Variants in MPP1 observed in about 807,000 individuals in gnomAD.
MPP1 encodes MAGUK p55 scaffold protein 1, also known as 55 kDa erythrocyte membrane protein.
In MPP1, 6 loss-of-function variants were observed where a neutral mutation model predicts 38.2. The ratio of observed to expected loss-of-function variants is 0.16; its 90% CI spans 0.09 to 0.31. The LOEUF (loss-of-function observed/expected upper bound fraction) is 0.31. Ranked by LOEUF, MPP1 falls within the 10% of genes least tolerant of loss-of-function variation. The probability of loss-of-function intolerance (pLI) is 1.00; values close to 1 mark genes in which losing one functional copy is unlikely to be tolerated. For missense variants in MPP1, 293 were observed against 368.9 expected, an observed-to-expected ratio of 0.79 and a Z score of 1.69; for synonymous variants, 153 against 146.3, an observed-to-expected ratio of 1.05 and a Z score of -0.33.
rs1557267638 is a variant in MPP1, at chrX:154,790,723, C to T, written c.411+260G>A. On this transcript the variant is annotated intron_variant, in intron 4 of 11. Coordinates refer to ENST00000369534, the MANE Select transcript of MPP1 (RefSeq NM_002436.4). Reference sequence around the variant, plus strand: ...AACAAAAATGGGATTCTACTATATACGTTATAGCTTGCTTTACTTCATTTG... The same window carrying T: ...AACAAAAATGGGATTCTACTATATATGTTATAGCTTGCTTTACTTCATTTG... Among the ~76,000 whole-genome samples, 4 of 111,679 alleles carry T rather than the reference C, an allele frequency of 3.6e-5. No homozygotes were observed. In the South Asian group the frequency reaches 1.1e-3, roughly 31 times the overall value.
chrX:154,781,550 T>C, intron 10 of MPP1, 50 bp downstream of exon 10: 1 of 1,157,706 alleles, frequency 8.6e-7, no homozygotes, highest in Non-Finnish European at 1.2e-6. Context: ...GTCTTCGCCA[T>C]CCCTTGTGTG....
At chrX:154,785,231 T>G in intron 6 of MPP1, 74 bp from the exon 7 acceptor site, 1 of 592,235 alleles carries the variant, frequency 1.7e-6, no homozygotes, top group Non-Finnish European at 2.3e-6. Context: ...ACTCAGTCTC[T>G]AATGGCACCC....
At position 154,792,304 on chromosome X, in the gene MPP1, A is replaced by C; in HGVS notation, c.103-19T>G. ...ATACAGCCTGCCAAGCCAAAACAAC[A>C]AAGCAACGTATGAAATCAGGAGCAA... is the stretch of plus-strand genomic sequence containing the variant. On this transcript the variant is annotated intron_variant, in intron 1 of 11. Coordinates refer to ENST00000369534, the MANE Select transcript of MPP1 (RefSeq NM_002436.4). The C allele has an allele frequency of 8.4e-7, 1 of 1,193,053 alleles. No homozygotes were observed.
Position 154,781,741 on chromosome X carries a change from C to T in MPP1, c.1008G>A (p.Thr336=), listed in dbSNP as rs369863911. 1.2e-5 allele frequency: 15 copies of T among 1,210,121 alleles called. No individual in the cohort carries two copies. In the African/African-American group the frequency reaches 1.9e-4, roughly 16 times the overall value. Residue 336 remains threonine, a synonymous_variant, in exon 10 of 12, where the codon ACG becomes ACA. Coordinates refer to ENST00000369534, the MANE Select transcript of MPP1 (RefSeq NM_002436.4). ...CAGAGATGTTCCTCGTCATCTCCTC[C>T]GTTGAGATAAAGTGGTACTCCTTCC... The part of the protein sequence containing the change: ...EDGKEYHFIS[T]EEMTRNISAN...
intron 6 of MPP1, 76 bp downstream of exon 6, chrX:154,786,128 C>A: frequency 1.0e-6 from 1 of 964,633 alleles, no homozygotes. Flanking sequence ...AAACTACAAA[C>A]AAAATGACAG....
At chrX:154,799,928 C>A (rs1270033176) in intron 1 of MPP1, 1 of 976,791 alleles carries the variant, frequency 1.0e-6, no homozygotes, top group East Asian at 4.4e-5. Flanking sequence ...ACAAACTTGG[C>A]GGGGGGCGGG....
chrX:154,805,237 GCCCA>G, intron 1 of MPP1, 31 bp downstream of exon 1: 1 of 1,152,724 alleles, frequency 8.7e-7, no homozygotes, highest in Non-Finnish European at 1.2e-6. Context: ...CCGAGCCCCG[GCCCA>G]GCGCCCTTGG....
chrX:154,801,284 G>A (rs1459530787), intron 1 of MPP1, among the ~76,000 whole-genome samples: 1 of 112,206 alleles, frequency 8.9e-6, no homozygotes, highest in Non-Finnish European at 1.9e-5. Context: ...CAATTTAAGG[G>A]AATTGATCTT....
chrX:154,787,980 G>A (rs1374803744), intron 5 of MPP1, among the ~76,000 whole-genome samples: 2 of 112,248 alleles, frequency 1.8e-5, no homozygotes, highest in Non-Finnish European at 3.8e-5. Flanking sequence ...AAATGATACT[G>A]GTTCAATTGG....
chrX:154,779,822 A>G (rs1557266403), intron 11 of MPP1, among the ~76,000 whole-genome samples: 3 of 113,074 alleles, frequency 2.7e-5, no homozygotes, highest in African/African-American at 9.6e-5. Flanking sequence ...GGGTTCAAGC[A>G]ATTCTCGTGT....
intron 1 of MPP1, among the ~76,000 whole-genome samples, chrX:154,798,974 T>G (rs2072231714): frequency 9.0e-6 from 1 of 111,468 alleles, no homozygotes; most frequent in Non-Finnish European, 1.9e-5. Context: ...CCTCAGGTGA[T>G]CCGCCCGCCT....
At chrX:154,803,827 C>T (rs1179436405) in intron 1 of MPP1, among the ~76,000 whole-genome samples, 1 of 112,160 alleles carries the variant, frequency 8.9e-6, no homozygotes, top group Non-Finnish European at 1.9e-5. Context: ...CTAAGTGTAC[C>T]TCAATAAGAC....
chrX:154,804,116 A>G (rs1435576101), intron 1 of MPP1, among the ~76,000 whole-genome samples: 1 of 112,183 alleles, frequency 8.9e-6, no homozygotes, highest in Non-Finnish European at 1.9e-5. Flanking sequence ...GGTGCAGCAG[A>G]CACAAAATCT....
chrX:154,805,380 G>A lies in MPP1; in HGVS notation c.-7C>T. 8.4e-7 allele frequency: 1 copy of A among 1,189,103 alleles called. No individual in the cohort carries two copies. ...CGCTCGCCTTGAGGGTCATCTCGCA[G>A]AAGCTGGAACACTGGAACGCAAGAC... On this transcript the variant is annotated 5_prime_UTR_variant, in exon 1 of 12. Transcript: ENST00000369534.
chrX:154,799,348 A>C (rs1176510234), intron 1 of MPP1, among the ~76,000 whole-genome samples: 6 of 111,650 alleles, frequency 5.4e-5, no homozygotes, highest in African/African-American at 2.0e-4. Context: ...AATTTTCTCC[A>C]CCGTGAACTT....
Position 154,781,385 on chromosome X carries a change from CATAGCTGTCAT to C in MPP1, c.1150-83_1150-73del. 6.9e-6 allele frequency: 6 copies of C among 874,174 alleles called. No individual in the cohort carries two copies. In the South Asian group the frequency reaches 1.1e-4, roughly 16 times the overall value. 72.0% of individuals were successfully genotyped at this position (874,174 alleles called of 1,213,427 possible). On this transcript the variant is annotated intron_variant, in intron 10 of 11. Transcript: ENST00000369534. ...AAGGAAAGTGAAAAAAAAAAACCTA[CATAGCTGTCAT>C]AATGGATTCCTTCTAATAAGCAGCT... is the stretch of plus-strand genomic sequence containing the variant.
intron 7 of MPP1, among the ~76,000 whole-genome samples, chrX:154,784,317 T>G (rs979291064): frequency 9.0e-6 from 1 of 111,012 alleles, no homozygotes; most frequent in South Asian, 3.8e-4. Context: ...TTTATCTAAC[T>G]TTTGCACCCT....
chrX:154,791,338 G>C, intron 3 of MPP1: 1 of 359,745 alleles, frequency 2.8e-6, no homozygotes, highest in Non-Finnish European at 4.8e-6. Flanking sequence ...TGACACAGAT[G>C]TATACACTAA....
At position 154,805,479 on chromosome X, in the gene MPP1, G is replaced by T; in HGVS notation, c.-106C>A. Reference sequence around the variant, plus strand: ...AAGGCGGGAGACGCGGTGCGGCTGGGCCAGTCACCGCCCCGCAGGCGGTGC... The same window carrying T: ...AAGGCGGGAGACGCGGTGCGGCTGGTCCAGTCACCGCCCCGCAGGCGGTGC... On this transcript the variant is annotated 5_prime_UTR_variant, in exon 1 of 12. Transcript: ENST00000369534. 1 of 769,141 alleles carries T rather than the reference G, an allele frequency of 1.3e-6. No individual in the cohort carries two copies. Among genetic ancestry groups the T allele is most frequent in the Non-Finnish European group, 1.9e-6 (1 of 539,793 alleles). The allele number at this position is 769,141 out of a possible 1,213,427, so 63.4% of individuals were successfully genotyped here. A position where few individuals can be genotyped will look rare whatever the true frequency, so the allele number is the denominator to read the frequency against.
Sources: allele counts gnomAD v4.1 joint callset (sites outside exome capture counted in the v4.1 genomes callset), GRCh38; gene constraint gnomAD v4.1.1; transcripts MANE v1.5; gene names NCBI Gene and HGNC (gene_info 2026-07-23, HGNC 2026-07-21).